Variants in SUMF1 observed in about 807,000 individuals in gnomAD.
SUMF1 encodes the protein formylglycine-generating enzyme.
A neutral mutation model predicts 47.6 loss-of-function variants in SUMF1; 48 were observed. The ratio of observed to expected loss-of-function variants is 1.01; its 90% CI spans 0.80 to 1.28. The LOEUF is 1.28. Among genes scored for constraint, SUMF1 ranks in the 50% most tolerant of loss-of-function variants. The pLI, the probability that SUMF1 is intolerant of heterozygous loss-of-function variation, is 0.00. For missense variants in SUMF1, 571 were observed against 485.4 expected (o/e 1.18, Z -1.66); for synonymous variants, 230 against 192.1 (o/e 1.20, Z -1.63).
intron 7 of SUMF1, among the ~76,000 whole-genome samples, chr3:4,383,802 A>T (rs1435077270): frequency 6.6e-6 from 1 of 152,160 alleles, no homozygotes; most frequent in Non-Finnish European, 1.5e-5. Flanking sequence ...TGACTAGAAA[A>T]ATCTGTAACT....
At chr3:4,061,845 G>T (rs1432161623) in intron 9 of SUMF1, among the ~76,000 whole-genome samples, 1 of 152,108 alleles carries the variant, frequency 6.6e-6, no homozygotes, top group African/African-American at 2.4e-5. Context: ...AGTGCAGTGT[G>T]TAAGGAGAAA....
At chr3:4,228,336 A>G (rs1696219148) in intron 8 of SUMF1, among the ~76,000 whole-genome samples, 1 of 152,000 alleles carries the variant, frequency 6.6e-6, no homozygotes, top group Non-Finnish European at 1.5e-5. Flanking sequence ...GTATATACAC[A>G]TCTCTTGCTG....
At chr3:4,448,015 C>T (rs553871013) in intron 3 of SUMF1, among the ~76,000 whole-genome samples, 1 of 150,930 alleles carries the variant, frequency 6.6e-6, no homozygotes, top group African/African-American at 2.4e-5. Flanking sequence ...TCAACACCAG[C>T]CTCAACTGAC....
intron 8 of SUMF1, among the ~76,000 whole-genome samples, chr3:4,278,287 A>AC (rs921702542): frequency 6.6e-6 from 1 of 152,120 alleles, no homozygotes; most frequent in Admixed American, 6.6e-5. Context: ...TATTGTACCA[A>AC]CTACCTTATT....
At chr3:4,068,759 G>GAAA (rs2125033570) in intron 8 of SUMF1, 1 of 326,324 alleles carries the variant, frequency 3.1e-6, no homozygotes. Flanking sequence ...AAACAAATAA[G>GAAA]AAGAAGAAGA....
At chr3:4,176,624 C>T (rs1694970748) in intron 8 of SUMF1, among the ~76,000 whole-genome samples, 1 of 152,200 alleles carries the variant, frequency 6.6e-6, no homozygotes, top group African/African-American at 2.4e-5. Context: ...AAAGAAACTA[C>T]ATCAATTAAC....
At chr3:4,276,602 C>A (rs1359901693) in intron 8 of SUMF1, among the ~76,000 whole-genome samples, 16 of 152,124 alleles carry the variant, frequency 1.1e-4, no homozygotes, top group Admixed American at 1.0e-3. Flanking sequence ...TCAGTTCCTT[C>A]TCAACCCCAC....
At chr3:4,413,251 T>G (rs904141544) in intron 6 of SUMF1, among the ~76,000 whole-genome samples, 14 of 151,982 alleles carry the variant, frequency 9.2e-5, no homozygotes, top group African/African-American at 3.4e-4. Context: ...AACAAACCTC[T>G]TGTCTCAGCC....
At chr3:4,181,430 A>C (rs1695093414) in intron 8 of SUMF1, among the ~76,000 whole-genome samples, 1 of 152,142 alleles carries the variant, frequency 6.6e-6, no homozygotes, top group Non-Finnish European at 1.5e-5. Context: ...GCAATAGAAA[A>C]ATATATCTTC....
At chr3:4,220,155 T>C (rs1320719595) in intron 8 of SUMF1, among the ~76,000 whole-genome samples, 1 of 152,154 alleles carries the variant, frequency 6.6e-6, no homozygotes, top group Non-Finnish European at 1.5e-5. Context: ...CCAGGCTCCA[T>C]TAGACATTAG....
chr3:4,106,342 T>G (rs1574887939), intron 8 of SUMF1, among the ~76,000 whole-genome samples: 1 of 152,086 alleles, frequency 6.6e-6, no homozygotes, highest in South Asian at 2.1e-4. Context: ...TTTTTTCAGC[T>G]AGGGGATGAA....
intron 8 of SUMF1, among the ~76,000 whole-genome samples, chr3:4,255,455 G>A (rs1393555276): frequency 5.9e-5 from 6 of 102,372 alleles, no homozygotes; most frequent in Admixed American, 2.0e-4. Context: ...AAAAGGCAGG[G>A]GTTGCAATCC....
chr3:4,133,852 A>C (rs1574912956), intron 8 of SUMF1, among the ~76,000 whole-genome samples: 3 of 152,180 alleles, frequency 2.0e-5, no homozygotes, highest in African/African-American at 7.2e-5. Context: ...GAGAACTCTG[A>C]CTAATACAGG....
At chr3:4,045,507 A>G (rs1255976359) in intron 9 of SUMF1, among the ~76,000 whole-genome samples, 1 of 151,970 alleles carries the variant, frequency 6.6e-6, no homozygotes, top group East Asian at 1.9e-4. Flanking sequence ...TAAGAATAAA[A>G]TGAGATTGTA....
intron 8 of SUMF1, among the ~76,000 whole-genome samples, chr3:4,175,904 A>G (rs1303308997): frequency 1.3e-5 from 2 of 152,200 alleles, no homozygotes; most frequent in East Asian, 1.9e-4. Context: ...ACAAGCTTCA[A>G]TAGCCGATTT....
intron 8 of SUMF1, among the ~76,000 whole-genome samples, chr3:4,372,791 T>A (rs1700207772): frequency 6.6e-6 from 1 of 152,210 alleles, no homozygotes; most frequent in Non-Finnish European, 1.5e-5. Context: ...CACATCTCAA[T>A]AATTTAGTAA....
intron 8 of SUMF1, among the ~76,000 whole-genome samples, chr3:4,239,675 G>C (rs1423549867): frequency 2.6e-5 from 4 of 152,176 alleles, no homozygotes; most frequent in Non-Finnish European, 5.9e-5. Context: ...TTTGGGCTGA[G>C]ATGATGGGGT....
At chr3:4,407,618 A>C (rs964853994) in intron 7 of SUMF1, among the ~76,000 whole-genome samples, 25 of 152,240 alleles carry the variant, frequency 1.6e-4, no homozygotes, top group African/African-American at 5.8e-4. Flanking sequence ...CTAGAGATAC[A>C]CAGTCCATTA....
Position 4,158,757 on chromosome 3 carries a change from T to C in SUMF1, c.1015-90012A>G, listed in dbSNP as rs146718165. On this transcript the variant is annotated intron_variant and NMD_transcript_variant, in intron 8 of 12. Coordinates refer to the SUMF1 transcript ENST00000448413. The stretch of plus-strand genomic sequence containing the variant: ...AGATCTTCTTTGTCTCTTTTTATAG[T>C]TTTTGTCTTGAAATCCATTTTATCT... 3.3e-3 allele frequency among the ~76,000 whole-genome samples: 501 copies of C among 151,718 alleles called. 20 individuals are homozygous for C. The highest frequency in any genetic ancestry group is 0.012 in the African/African-American group (480 of 41,028).
Sources: gnomAD v4.1 joint callset for allele counts (sites outside exome capture counted in the v4.1 genomes callset) on GRCh38, gnomAD v4.1.1 for gene constraint, MANE v1.5 for transcripts, NCBI Gene and HGNC (gene_info 2026-07-23, HGNC 2026-07-21) for gene names.